COL8A1: variants seen among roughly 807,000 people sequenced by gnomAD.
COL8A1 encodes the protein collagen type VIII alpha 1 chain.
A neutral mutation model predicts 42.7 loss-of-function variants in COL8A1; 21 were observed. The observed-to-expected ratio is 0.49, with a 90% CI of 0.35 to 0.71. COL8A1 has a LOEUF of 0.71. COL8A1 is among the 30% of genes least tolerant of loss of function. The pLI is 0.01. For synonymous variants in COL8A1, 367 were observed against 369.1 expected (o/e 0.99, Z 0.06); for missense variants, 788 against 962.4 (o/e 0.82, Z 2.40).
At chr3:99,751,754 G>A (rs949109579) in intron 2 of COL8A1, among the ~76,000 whole-genome samples, 2 of 152,144 alleles carry the variant, frequency 1.3e-5, no homozygotes, top group African/African-American at 4.8e-5. Flanking sequence ...AGTGACTGTG[G>A]AAAGCACATT....
intron 1 of COL8A1, among the ~76,000 whole-genome samples, chr3:99,733,025 C>A (rs950407745): frequency 6.6e-6 from 1 of 151,846 alleles, no homozygotes. Flanking sequence ...GTCTCATATC[C>A]GGGTCATGCC....
At chr3:99,689,137 C>T (rs1042422849) in intron 1 of COL8A1, among the ~76,000 whole-genome samples, 4 of 152,164 alleles carry the variant, frequency 2.6e-5, no homozygotes, top group African/African-American at 7.2e-5. Flanking sequence ...TTTAAAAGGG[C>T]AAGTGTAAGT....
chr3:99,701,646 G>A (rs1939543412), intron 1 of COL8A1, among the ~76,000 whole-genome samples: 1 of 152,130 alleles, frequency 6.6e-6, no homozygotes, highest in Middle Eastern at 3.2e-3. Flanking sequence ...TTGAATTGTG[G>A]AGTCCTTTTC....
chr3:99,649,226 C>T (rs1214839781), intron 1 of COL8A1, among the ~76,000 whole-genome samples: 2 of 152,062 alleles, frequency 1.3e-5, no homozygotes, highest in East Asian at 3.9e-4. Flanking sequence ...CTGTACAAGC[C>T]CTGCCACAGT....
chr3:99,655,352 T>C (rs1041569816), intron 1 of COL8A1, among the ~76,000 whole-genome samples: 10 of 152,192 alleles, frequency 6.6e-5, no homozygotes, highest in Non-Finnish European at 1.2e-4. Context: ...AGATTTAAAA[T>C]ATACAAAACA....
At chr3:99,647,167 G>A (rs1483395011) in intron 1 of COL8A1, among the ~76,000 whole-genome samples, 5 of 152,122 alleles carry the variant, frequency 3.3e-5, no homozygotes, top group East Asian at 1.9e-4. Flanking sequence ...TTACAATCGA[G>A]TGTTCCTTAA....
chr3:99,739,546 A>G (rs1027647522), intron 1 of COL8A1, among the ~76,000 whole-genome samples: 1 of 152,158 alleles, frequency 6.6e-6, no homozygotes, highest in African/African-American at 2.4e-5. Flanking sequence ...TCAAACCACA[A>G]TTCTTGACTG....
At chr3:99,711,259 G>A (rs138733600) in intron 1 of COL8A1, among the ~76,000 whole-genome samples, 27 of 152,104 alleles carry the variant, frequency 1.8e-4, no homozygotes, top group African/African-American at 5.5e-4. Flanking sequence ...CAACAAACAA[G>A]AGAAAGCCCC....
In COL8A1 at chr3:99,638,637, C is replaced by CT. The variant is rs1937442389; in HGVS notation, c.-156_-155insT. 6.6e-6 allele frequency: 1 copy of CT among 152,312 alleles called. No homozygotes were observed. Among genetic ancestry groups the CT allele is most frequent in the Non-Finnish European group, 1.5e-5 (1 of 68,232 alleles). 9.4% of individuals were successfully genotyped at this position (152,312 alleles called of 1,614,324 possible). ...GATCCTCTCCGTGGGAGCCAGCGAG[C>CT]CTCTCTCCCTGATCTTACGTGCTCA... On this transcript the variant is annotated 5_prime_UTR_variant, in exon 1 of 4. Transcript: ENST00000652472.
At chr3:99,762,281 G>A (rs758510819) in intron 2 of COL8A1, among the ~76,000 whole-genome samples, 14 of 150,830 alleles carry the variant, frequency 9.3e-5, no homozygotes, top group Non-Finnish European at 1.8e-4. Context: ...TTTTTAATGT[G>A]TATCTATGTT....
intron 1 of COL8A1, among the ~76,000 whole-genome samples, chr3:99,700,807 T>C (rs949505671): frequency 6.6e-6 from 1 of 152,218 alleles, no homozygotes; most frequent in Non-Finnish European, 1.5e-5. Flanking sequence ...GTTGTGTGCA[T>C]GCATGTGTTT....
At chr3:99,686,871 T>A (rs1245983519) in intron 1 of COL8A1, among the ~76,000 whole-genome samples, 1 of 151,962 alleles carries the variant, frequency 6.6e-6, no homozygotes, top group African/African-American at 2.4e-5. Flanking sequence ...TGGGGGGGGT[T>A]CTGTTTGTTT....
intron 2 of COL8A1, among the ~76,000 whole-genome samples, chr3:99,758,630 G>A (rs1485675749): frequency 2.0e-5 from 3 of 152,138 alleles, no homozygotes; most frequent in Non-Finnish European, 4.4e-5. Flanking sequence ...AAATGCAGAT[G>A]TCTGGTCCAC....
intron 2 of COL8A1, among the ~76,000 whole-genome samples, chr3:99,771,586 T>G (rs1182942076): frequency 6.6e-6 from 1 of 152,170 alleles, no homozygotes; most frequent in Non-Finnish European, 1.5e-5. Flanking sequence ...TAATGTGCTT[T>G]CTGCAAAACA....
At chr3:99,681,670 G>T (rs1334171435) in intron 1 of COL8A1, among the ~76,000 whole-genome samples, 1 of 152,138 alleles carries the variant, frequency 6.6e-6, no homozygotes, top group African/African-American at 2.4e-5. Context: ...TGGTGCTTTG[G>T]GTTAGACCCA....
chr3:99,670,514 A>G (rs1378778243), intron 1 of COL8A1, among the ~76,000 whole-genome samples: 1 of 152,064 alleles, frequency 6.6e-6, no homozygotes, highest in Non-Finnish European at 1.5e-5. Context: ...AATTATAAAC[A>G]TTTATGTGGT....
At chr3:99,781,709 A>AAAGCTGTTCATGTAAGT (rs1350701874) in intron 2 of COL8A1, among the ~76,000 whole-genome samples, 3 of 152,184 alleles carry the variant, frequency 2.0e-5, no homozygotes, top group Non-Finnish European at 4.4e-5. Context: ...ACATGAACAG[A>AAAGCTGTTCATGTAAGT]AAGCTGTTCA....
intron 1 of COL8A1, among the ~76,000 whole-genome samples, chr3:99,701,414 G>T (rs1939533206): frequency 6.6e-6 from 1 of 152,138 alleles, no homozygotes; most frequent in Non-Finnish European, 1.5e-5. Context: ...TAATGGGTGA[G>T]AATTTTCCTT....
At chr3:99,746,720 A>G (rs1157390288) in intron 2 of COL8A1, among the ~76,000 whole-genome samples, 1 of 152,236 alleles carries the variant, frequency 6.6e-6, no homozygotes, top group Non-Finnish European at 1.5e-5. Flanking sequence ...CATTCAATAA[A>G]CTATTTCATT....
Sources: gnomAD v4.1 joint callset for allele counts (sites outside exome capture counted in the v4.1 genomes callset) on GRCh38, gnomAD v4.1.1 for gene constraint, MANE v1.5 for transcripts, NCBI Gene and HGNC (gene_info 2026-07-23, HGNC 2026-07-21) for gene names.